Variants in CACNA1A observed in about 807,000 individuals in gnomAD.
CACNA1A encodes voltage-dependent P/Q-type calcium channel subunit alpha-1A.
A neutral mutation model predicts 262.4 loss-of-function variants in CACNA1A; 57 were observed. That is an observed-to-expected ratio of 0.22 (90% CI 0.18 to 0.27). CACNA1A has a LOEUF of 0.27. Ranked by LOEUF, CACNA1A falls within the 10% of genes least tolerant of loss-of-function variation. The pLI is 1.00. For synonymous variants in CACNA1A, 1,431 were observed against 1,419.3 expected (o/e 1.01, Z -0.18); for missense variants, 2,526 against 3,562.8 (o/e 0.71, Z 7.41).
At chr19:13,449,311 A>G (rs912188222) in intron 3 of CACNA1A, among the ~76,000 whole-genome samples, 1 of 151,656 alleles carries the variant, frequency 6.6e-6, no homozygotes, top group Non-Finnish European at 1.5e-5. Context: ...ACAACAACAA[A>G]AAACATTTTT....
chr19:13,464,792 C>G (rs1359827434), intron 1 of CACNA1A, among the ~76,000 whole-genome samples: 1 of 152,040 alleles, frequency 6.6e-6, no homozygotes, highest in Non-Finnish European at 1.5e-5. Context: ...TTGTGATCTG[C>G]CCACCTTGGC....
chr19:13,253,192 A>G, intron 29 of CACNA1A, 91 bp from the exon 30 acceptor site: 1 of 782,960 alleles, frequency 1.3e-6, no homozygotes, highest in Non-Finnish European at 2.2e-6. Flanking sequence ...TCTCCAGGCA[A>G]CACTCCAGCC....
chr19:13,382,889 C>T (rs899890474), intron 3 of CACNA1A, among the ~76,000 whole-genome samples: 1 of 152,170 alleles, frequency 6.6e-6, no homozygotes, highest in Non-Finnish European at 1.5e-5. Context: ...GCCCATTTTA[C>T]AGAGGAGGAA....
chr19:13,226,872 G>GTTC (rs2055471382), intron 37 of CACNA1A: 2 of 152,628 alleles, frequency 1.3e-5, no homozygotes, highest in African/African-American at 4.8e-5. Context: ...CCAGGGGAAG[G>GTTC]AAGGGAGGGG....
At chr19:13,328,622 G>A (rs1296205335) in intron 10 of CACNA1A, among the ~76,000 whole-genome samples, 3 of 152,136 alleles carry the variant, frequency 2.0e-5, no homozygotes, top group African/African-American at 4.8e-5. Flanking sequence ...AAGGAAATAC[G>A]CCCAAAGGGT....
intron 3 of CACNA1A, among the ~76,000 whole-genome samples, chr19:13,383,418 A>C (rs2059554926): frequency 6.6e-6 from 1 of 152,154 alleles, no homozygotes; most frequent in African/African-American, 2.4e-5. Context: ...GGTTGTAGAC[A>C]TGTTGAGTTT....
At chr19:13,415,068 G>A (rs1195799130) in intron 3 of CACNA1A, among the ~76,000 whole-genome samples, 4 of 152,090 alleles carry the variant, frequency 2.6e-5, no homozygotes, top group Admixed American at 2.6e-4. Context: ...GCGATTTTGG[G>A]GAAGGTAGGA....
intron 22 of CACNA1A, among the ~76,000 whole-genome samples, chr19:13,281,159 T>C (rs1251656920): frequency 4.0e-5 from 6 of 151,302 alleles, no homozygotes; most frequent in South Asian, 2.1e-4. Flanking sequence ...GGAGGGAGGA[T>C]TGCTTGAGGT....
intron 3 of CACNA1A, among the ~76,000 whole-genome samples, chr19:13,392,326 A>T (rs1385363716): frequency 6.6e-6 from 1 of 152,226 alleles, no homozygotes; most frequent in Non-Finnish European, 1.5e-5. Flanking sequence ...GACCTTGCCA[A>T]TCACCAGGGC....
At chr19:13,323,664 T>C (rs889029339) in intron 10 of CACNA1A, among the ~76,000 whole-genome samples, 7 of 152,216 alleles carry the variant, frequency 4.6e-5, no homozygotes, top group African/African-American at 1.7e-4. Flanking sequence ...ATATTTTGGA[T>C]ATTAGCTCCT....
At chr19:13,481,159 T>A (rs1436404603) in intron 1 of CACNA1A, among the ~76,000 whole-genome samples, 1 of 152,198 alleles carries the variant, frequency 6.6e-6, no homozygotes, top group African/African-American at 2.4e-5. Context: ...AGAACTCTCA[T>A]TACCATGGCT....
chr19:13,269,233 T>C (rs1405161663), intron 24 of CACNA1A, among the ~76,000 whole-genome samples: 1 of 152,192 alleles, frequency 6.6e-6, no homozygotes, highest in Non-Finnish European at 1.5e-5. Flanking sequence ...AGGTTTAATA[T>C]GGGAGTCTTC....
intron 5 of CACNA1A, 120 bp downstream of exon 5, chr19:13,365,197 C>A (rs1197186533): frequency 2.4e-6 from 2 of 843,356 alleles, no homozygotes; most frequent in Non-Finnish European, 3.8e-6. Flanking sequence ...CTGTAGTGCT[C>A]TCTGAAGGAG....
At chr19:13,451,751 T>A (rs2060920201) in intron 3 of CACNA1A, 1 of 152,102 alleles carries the variant, frequency 6.6e-6, no homozygotes. Context: ...AAGCATGGAG[T>A]TATTGGATGA....
At chr19:13,442,586 C>G (rs975115138) in intron 3 of CACNA1A, among the ~76,000 whole-genome samples, 1 of 152,210 alleles carries the variant, frequency 6.6e-6, no homozygotes, top group Non-Finnish European at 1.5e-5. Flanking sequence ...CTTCAGTTCA[C>G]CAACTTTCGT....
intron 3 of CACNA1A, among the ~76,000 whole-genome samples, chr19:13,376,782 ATATG>A (rs1204496065): frequency 6.4e-5 from 7 of 109,170 alleles, no homozygotes; most frequent in African/African-American, 2.8e-4. Context: ...AACACATAAT[ATATG>A]TGACATATAT....
intron 3 of CACNA1A, among the ~76,000 whole-genome samples, chr19:13,446,250 GAAAAAAA>G (rs59977753): frequency 1.1e-5 from 1 of 90,242 alleles, no homozygotes; most frequent in Non-Finnish European, 2.4e-5. Context: ...ACTCTGTCCC[GAAAAAAA>G]AAAAAAAAAA....
chr19:13,412,981 G>T (rs542818434), intron 3 of CACNA1A, among the ~76,000 whole-genome samples: 81 of 152,236 alleles, frequency 5.3e-4, no homozygotes, highest in Admixed American at 1.3e-3. Flanking sequence ...CCAGGTGTGG[G>T]GGCTCACGCC....
At chr19:13,467,756 C>A (rs751725445) in intron 1 of CACNA1A, among the ~76,000 whole-genome samples, 3 of 151,848 alleles carry the variant, frequency 2.0e-5, no homozygotes, top group African/African-American at 4.8e-5. Context: ...AGGCACCTGC[C>A]ACCATGCCCA....
Sources: allele counts gnomAD v4.1 joint callset (sites outside exome capture counted in the v4.1 genomes callset), GRCh38; gene constraint gnomAD v4.1.1; transcripts MANE v1.5; gene names NCBI Gene and HGNC (gene_info 2026-07-23, HGNC 2026-07-21).